Variants in FIGN observed in about 807,000 individuals in gnomAD.
FIGN encodes the protein fidgetin.
Under a neutral mutation model 51.3 loss-of-function variants are expected in FIGN, and 11 were observed. The ratio of observed to expected loss-of-function variants is 0.21; its 90% confidence interval spans 0.13 to 0.35. The LOEUF (loss-of-function observed/expected upper bound fraction) is 0.35. Ranked by LOEUF, FIGN falls within the 10% of genes least tolerant of loss-of-function variation. The pLI is 1.00. For synonymous variants in FIGN, 407 were observed against 363.2 expected (o/e 1.12, Z -1.37); for missense variants, 857 against 943.6 (o/e 0.91, Z 1.20).
chr2:163,625,324 A>G (rs1010948213), intron 2 of FIGN, among the ~76,000 whole-genome samples: 7 of 152,084 alleles, frequency 4.6e-5, no homozygotes, highest in Non-Finnish European at 8.8e-5. Context: ...GGACATTCTG[A>G]AAGAAACAAC....
chr2:163,667,654 G>A lies in FIGN; in HGVS notation c.26-55848C>T, dbSNP rs80093381. Among the ~76,000 whole-genome samples the A allele has an allele frequency of 1.9e-3, 294 of 152,224 alleles. 1 individual carries two copies. Among genetic ancestry groups the A allele is most frequent in the African/African-American group, 6.3e-3 (261 of 41,528 alleles). Reference sequence around the variant, plus strand: ...ATTGTTTACTTGAAAAATCTTATTCGTCTTTTAAAACCCAAATAATTCATT... The same window carrying A: ...ATTGTTTACTTGAAAAATCTTATTCATCTTTTAAAACCCAAATAATTCATT... On this transcript the variant is annotated intron_variant, in intron 2 of 2. Coordinates refer to ENST00000333129, the MANE Select transcript of FIGN (RefSeq NM_018086.4).
intron 2 of FIGN, among the ~76,000 whole-genome samples, chr2:163,699,658 A>T (rs1465849707): frequency 6.6e-6 from 1 of 152,176 alleles, no homozygotes; most frequent in Non-Finnish European, 1.5e-5. Context: ...AAAAATTCCT[A>T]TTCAGGGAGA....
At chr2:163,629,351 C>A (rs141237219) in intron 2 of FIGN, among the ~76,000 whole-genome samples, 417 of 152,222 alleles carry the variant, frequency 2.7e-3, no homozygotes, top group Non-Finnish European at 4.9e-3. Context: ...CAGACTAGAG[C>A]TGATTTGTGG....
chr2:163,715,247 T>G (rs1029600380), intron 2 of FIGN, among the ~76,000 whole-genome samples: 2 of 152,158 alleles, frequency 1.3e-5, no homozygotes, highest in Middle Eastern at 3.2e-3. Flanking sequence ...GCCTCAGTAC[T>G]CGAGCTCACC....
chr2:163,633,677 T>C (rs946661787), intron 2 of FIGN, among the ~76,000 whole-genome samples: 1 of 152,240 alleles, frequency 6.6e-6, no homozygotes, highest in Non-Finnish European at 1.5e-5. Flanking sequence ...AAATTTTAAA[T>C]GCGAAATTAA....
At chr2:163,656,298 T>G (rs1055018741) in intron 2 of FIGN, among the ~76,000 whole-genome samples, 2 of 152,146 alleles carry the variant, frequency 1.3e-5, no homozygotes, top group African/African-American at 4.8e-5. Context: ...GAGTTCTAAA[T>G]AGCCAGGAGC....
At chr2:163,704,657 C>CTCTCTCTCT in intron 2 of FIGN, among the ~76,000 whole-genome samples, 5 of 103,254 alleles carry the variant, frequency 4.8e-5, no homozygotes, top group African/African-American at 1.9e-4. Context: ...CTCTCTCTCT[C>CTCTCTCTCT]ACACACACAC....
chr2:163,682,184 G>T (rs1490979708), intron 2 of FIGN, among the ~76,000 whole-genome samples: 1 of 152,152 alleles, frequency 6.6e-6, no homozygotes, highest in East Asian at 1.9e-4. Flanking sequence ...AGGTTAAAAT[G>T]AAAATAACGT....
chr2:163,665,699 T>C (rs188022895), intron 2 of FIGN, among the ~76,000 whole-genome samples: 1 of 152,346 alleles, frequency 6.6e-6, no homozygotes, highest in Non-Finnish European at 1.5e-5. Context: ...ATACACCGTA[T>C]TGTGCAAACT....
rs953906788 is a variant in FIGN at position 163,666,900 on chromosome 2, C to T, written c.26-55094G>A. ...CTTGAGAAGTCTAAAACCAAATTCA[C>T]TAAAAAAAAAAAAATTGAGACTCAT... On this transcript the variant is annotated intron_variant, in intron 2 of 2. Coordinates refer to ENST00000333129, the MANE Select transcript of FIGN (RefSeq NM_018086.4). 4.8e-5 allele frequency among the ~76,000 whole-genome samples: 6 copies of T among 124,638 alleles called. No homozygotes were observed. In the East Asian group the frequency reaches 1.0e-3, roughly 21 times the overall value. 81.8% of individuals were successfully genotyped at this position (124,638 alleles called of 152,430 possible).
intron 2 of FIGN, among the ~76,000 whole-genome samples, chr2:163,709,392 G>A (rs1684552745): frequency 1.3e-5 from 2 of 152,102 alleles, no homozygotes; most frequent in Non-Finnish European, 2.9e-5. Flanking sequence ...GTAAATAAAT[G>A]ATTTGTCTAA....
intron 2 of FIGN, among the ~76,000 whole-genome samples, chr2:163,644,493 G>A (rs570129919): frequency 2.0e-5 from 3 of 152,314 alleles, no homozygotes; most frequent in South Asian, 2.1e-4. Context: ...AAAATGTGAA[G>A]TGCGGCTACT....
At chr2:163,652,900 A>G (rs1208549311) in intron 2 of FIGN, among the ~76,000 whole-genome samples, 3 of 152,172 alleles carry the variant, frequency 2.0e-5, no homozygotes, top group African/African-American at 7.2e-5. Flanking sequence ...CATGCAGGAA[A>G]TGACCAATTA....
chr2:163,625,289 C>T (rs1439899375), intron 2 of FIGN, among the ~76,000 whole-genome samples: 1 of 151,936 alleles, frequency 6.6e-6, no homozygotes, highest in African/African-American at 2.4e-5. Context: ...GCATTTCTAT[C>T]ACTAAGCTAA....
At position 163,610,619 on chromosome 2, in the gene FIGN, T is replaced by C. The variant is rs1295390055; in HGVS notation, c.1213A>G (p.Ser405Gly). The change falls in exon 3 of 3, where the codon AGT becomes GGT. Residue 405 changes from serine to glycine, a missense_variant. Transcript: ENST00000333129. ...SSRALTPPSYSTAKNSLGSRS... is the reference protein window; with the variant it reads ...SSRALTPPSYGTAKNSLGSRS... ...GATCCCAATGAATTTTTAGCAGTACTGTAGGAAGGAGGGGTCAGAGCCCTA... is the reference window on the plus strand; with the variant it reads ...GATCCCAATGAATTTTTAGCAGTACCGTAGGAAGGAGGGGTCAGAGCCCTA... The C allele has an allele frequency of 3.1e-6, 5 of 1,614,186 alleles. No individual in the cohort carries two copies. The highest frequency in any genetic ancestry group is 2.2e-5 in the South Asian group (2 of 91,090).
chr2:163,686,562 T>G (rs1464010057), intron 2 of FIGN, among the ~76,000 whole-genome samples: 1 of 152,062 alleles, frequency 6.6e-6, no homozygotes, highest in East Asian at 1.9e-4. Flanking sequence ...TTATGTAGAT[T>G]ATCACATTAC....
At chr2:163,668,014 A>AACCCCC (rs1491089658) in intron 2 of FIGN, among the ~76,000 whole-genome samples, 11 of 106,874 alleles carry the variant, frequency 1.0e-4, no homozygotes, top group African/African-American at 2.0e-4. Flanking sequence ...CCTACCTCCA[A>AACCCCC]CCCCCCCCCC....
At position 163,605,167 on chromosome 2, in the gene FIGN, A is replaced by C. The variant is rs767704943; in HGVS notation, c.*4385T>G. The C allele has an allele frequency of 7.2e-5, 11 of 151,996 alleles. No individual in the cohort carries two copies. The highest frequency in any genetic ancestry group is 2.1e-4 in the South Asian group (1 of 4,824). The allele number at this position is 151,996 out of a possible 1,614,324, so 9.4% of individuals were successfully genotyped here. On this transcript the variant is annotated 3_prime_UTR_variant, in exon 3 of 3. Transcript: ENST00000333129. ...CAGTCTAATTGTCTTTGACAATTGC[A>C]GTGCCTAGTGCTACACTGCTTGTGT...
intron 2 of FIGN, among the ~76,000 whole-genome samples, chr2:163,669,207 A>G (rs1683836728): frequency 6.6e-6 from 1 of 151,848 alleles, no homozygotes; most frequent in Non-Finnish European, 1.5e-5. Context: ...AACAAACACT[A>G]CTTCAGCGTT....
Sources: allele counts gnomAD v4.1 joint callset (sites outside exome capture counted in the v4.1 genomes callset), GRCh38; gene constraint gnomAD v4.1.1; transcripts MANE v1.5; gene names NCBI Gene and HGNC (gene_info 2026-07-23, HGNC 2026-07-21).